The following CCDC73 variants were observed in gnomAD, a reference collection of about 807,000 sequenced individuals.
The protein encoded by CCDC73 is coiled-coil domain containing 73, also known as coiled-coil domain-containing protein 73.
In CCDC73, 95 loss-of-function variants were observed where a neutral mutation model predicts 116.5. The observed-to-expected ratio is 0.82, with a 90% CI of 0.69 to 0.97. CCDC73 has a LOEUF of 0.97. Ranked by LOEUF, CCDC73 falls within the 50% of genes least tolerant of loss-of-function variation. The pLI is 0.00. For missense variants in CCDC73, 1,066 were observed against 1,206.8 expected, an observed-to-expected ratio of 0.88 and a Z score of 1.73; for synonymous variants, 398 against 401.3, an observed-to-expected ratio of 0.99 and a Z score of 0.10.
At chr11:32,792,352 A>G (rs1850683884) in intron 1 of CCDC73, among the ~76,000 whole-genome samples, 1 of 152,224 alleles carries the variant, frequency 6.6e-6, no homozygotes, top group African/African-American at 2.4e-5. Flanking sequence ...GTATTGACTC[A>G]TGTGTAAGTA....
chr11:32,742,788 G>A (rs1029039283), intron 2 of CCDC73, among the ~76,000 whole-genome samples: 2 of 152,126 alleles, frequency 1.3e-5, no homozygotes, highest in Non-Finnish European at 2.9e-5. Context: ...TATGGTCCTA[G>A]GTCTTTCATT....
chr11:32,669,102 T>A (rs1002206352), intron 9 of CCDC73, among the ~76,000 whole-genome samples: 4 of 152,136 alleles, frequency 2.6e-5, no homozygotes, highest in Admixed American at 2.0e-4. Flanking sequence ...AAAACAACTA[T>A]GGATACTGAA....
chr11:32,613,323 G>A (rs552007629), intron 16 of CCDC73, 99 bp downstream of exon 16: 14 of 1,015,162 alleles, frequency 1.4e-5, no homozygotes, highest in Middle Eastern at 2.4e-4. Flanking sequence ...AAAATAAGAC[G>A]AACTTTTAAA....
In CCDC73 at chr11:32,776,936, A is replaced by ATATATATAT. The variant is rs1554970184; in HGVS notation, c.-15-16679_-15-16678insATATATATA. Among the ~76,000 whole-genome samples the ATATATATAT allele has an allele frequency of 9.3e-4, 34 of 36,474 alleles. No individual in the cohort carries two copies. In the South Asian group the frequency reaches 0.023, roughly 25 times the overall value. The allele number at this position is 36,474 out of a possible 152,430, so 23.9% of individuals were successfully genotyped here. A position where few individuals can be genotyped will look rare whatever the true frequency, so the allele number is the denominator to read the frequency against. On this transcript the variant is annotated intron_variant, in intron 1 of 17. Transcript: ENST00000335185. ...CTACAGAGTATGGTTAAAAAAAAAA[A>ATATATATAT]ATATATATATATATATATATATATA...
intron 2 of CCDC73, among the ~76,000 whole-genome samples, chr11:32,759,690 C>T (rs1480353493): frequency 2.0e-5 from 3 of 152,138 alleles, no homozygotes; most frequent in African/African-American, 7.2e-5. Flanking sequence ...TTACTACATA[C>T]ATTTATTTTG....
In CCDC73 at chr11:32,707,031, GA is replaced by G. The variant is rs1220264168; in HGVS notation, c.208-4088del. Among the ~76,000 whole-genome samples, 5 of 152,132 alleles carry G rather than the reference GA, an allele frequency of 3.3e-5. No homozygotes were observed. The East Asian group carries it at 9.6e-4, about 29-fold the overall frequency. On this transcript the variant is annotated intron_variant, in intron 3 of 17. Transcript: ENST00000335185. Reference sequence around the variant, plus strand: ...ATCTCCATGAAGTAGCACTTTGTGGGAAAAAAGTTTTACTGATATTGGCAGT... The same window carrying G: ...ATCTCCATGAAGTAGCACTTTGTGGGAAAAAGTTTTACTGATATTGGCAGT...
At chr11:32,717,989 GTC>G in intron 3 of CCDC73, 85 bp downstream of exon 3, 1 of 856,408 alleles carries the variant, frequency 1.2e-6, no homozygotes. Flanking sequence ...CCTCCACCTT[GTC>G]TCTCCCTTGA....
At chr11:32,649,740 C>A (rs137982833) in intron 12 of CCDC73, among the ~76,000 whole-genome samples, 4 of 152,248 alleles carry the variant, frequency 2.6e-5, no homozygotes, top group African/African-American at 9.6e-5. Context: ...CATCAAATGT[C>A]TTTTCTTATA....
chr11:32,814,281 G>A, the CCDC73 span, among the ~76,000 whole-genome samples: 299 of 152,256 alleles, frequency 2.0e-3, 4 homozygotes, highest in Non-Finnish European at 3.3e-3. Flanking sequence ...GAACATTGAC[G>A]GGCCCTACTA....
At chr11:32,607,775 C>T (rs1331516475) in intron 17 of CCDC73, among the ~76,000 whole-genome samples, 1 of 151,376 alleles carries the variant, frequency 6.6e-6, no homozygotes, top group East Asian at 1.9e-4. Flanking sequence ...GTGTATTAGT[C>T]CGTTCTCACG....
intron 2 of CCDC73, among the ~76,000 whole-genome samples, chr11:32,754,392 G>A (rs540877434): frequency 6.6e-6 from 1 of 152,088 alleles, no homozygotes; most frequent in Non-Finnish European, 1.5e-5. Flanking sequence ...AAATATAAGA[G>A]AGTTAAGAGT....
At chr11:32,691,050 T>G (rs1485465711) in intron 6 of CCDC73, among the ~76,000 whole-genome samples, 1 of 151,598 alleles carries the variant, frequency 6.6e-6, no homozygotes, top group African/African-American at 2.4e-5. Flanking sequence ...GCAACCACTT[T>G]TTTTTTTTTT....
At chr11:32,711,546 G>C (rs1849900917) in intron 3 of CCDC73, among the ~76,000 whole-genome samples, 1 of 149,442 alleles carries the variant, frequency 6.7e-6, no homozygotes, top group Non-Finnish European at 1.5e-5. Flanking sequence ...TCACTCACAA[G>C]AGGGAGCTAA....
At chr11:32,806,630 C>CAAAAA in the CCDC73 span, among the ~76,000 whole-genome samples, 12 of 125,570 alleles carry the variant, frequency 9.6e-5, no homozygotes, top group Non-Finnish European at 1.5e-4. Context: ...AGACCTGTCT[C>CAAAAA]AAAAAAAAAA....
At chr11:32,781,937 CAAGTG>C (rs1347516829) in intron 1 of CCDC73, among the ~76,000 whole-genome samples, 1 of 152,160 alleles carries the variant, frequency 6.6e-6, no homozygotes, top group Non-Finnish European at 1.5e-5. Flanking sequence ...GGCACGAGAG[CAAGTG>C]AAGCTTCATC....
intron 2 of CCDC73, among the ~76,000 whole-genome samples, chr11:32,725,032 C>A (rs1251214661): frequency 1.3e-5 from 2 of 151,678 alleles, no homozygotes; most frequent in Non-Finnish European, 2.9e-5. Context: ...TAGGCTCATA[C>A]AGAAAAAAAT....
intron 9 of CCDC73, among the ~76,000 whole-genome samples, chr11:32,673,951 T>C (rs1410549147): frequency 1.3e-5 from 2 of 152,114 alleles, no homozygotes; most frequent in East Asian, 1.9e-4. Flanking sequence ...TAGTGATCTG[T>C]TGAGGCACAT....
At chr11:32,703,103 T>G (rs898597583) in intron 3 of CCDC73, among the ~76,000 whole-genome samples, 159 bp from the exon 4 acceptor site, 1 of 152,226 alleles carries the variant, frequency 6.6e-6, no homozygotes, top group Non-Finnish European at 1.5e-5. Flanking sequence ...TGATTATTTT[T>G]TGAGACAGGG....
chr11:32,650,346 TG>T (rs1855815720), intron 12 of CCDC73, among the ~76,000 whole-genome samples: 1 of 152,218 alleles, frequency 6.6e-6, no homozygotes, highest in Admixed American at 6.5e-5. Flanking sequence ...GTACATTTCC[TG>T]GGTCTCTCTT....
Sources: allele counts gnomAD v4.1 joint callset (sites outside exome capture counted in the v4.1 genomes callset), GRCh38; gene constraint gnomAD v4.1.1; transcripts MANE v1.5; gene names NCBI Gene and HGNC (gene_info 2026-07-23, HGNC 2026-07-21).